FGFR4: variants seen among roughly 807,000 people sequenced by gnomAD.
FGFR4 encodes hydroxyaryl-protein kinase.
FGFR4 carries 63 observed loss-of-function variants against 89.9 expected under a neutral mutation model. That is an observed-to-expected ratio of 0.70 (90% CI 0.57 to 0.86). The LOEUF is 0.86. Among genes scored for constraint, FGFR4 ranks in the 40% least tolerant of loss-of-function variants. The pLI, the probability that FGFR4 is intolerant of heterozygous loss-of-function variation, is 0.00. For synonymous variants in FGFR4, 486 were observed against 479.4 expected (o/e 1.01, Z -0.18); for missense variants, 928 against 1,106.7 (o/e 0.84, Z 2.29).
Position 177,095,253 on chromosome 5 carries a change from T to A in FGFR4, c.1520-77T>A. On this transcript the variant is annotated intron_variant, in intron 11 of 17. Coordinates refer to ENST00000292408, the MANE Select transcript of FGFR4 (RefSeq NM_213647.3). The surrounding 1 kb of genome is among the most constrained non-coding windows in gnomAD (Gnocchi z 5.7). ...CTACGTAGCCCTGGTCCAGTGCTGC[T>A]TGTCCTGCACCTGCCTCTGCATGCT... 8.1e-7 allele frequency: 1 copy of A among 1,227,476 alleles called. No homozygotes were observed. The highest frequency in any genetic ancestry group is 1.2e-6 in the Non-Finnish European group (1 of 830,846). 76.0% of individuals were successfully genotyped at this position (1,227,476 alleles called of 1,614,324 possible).
intron 15 of FGFR4, 87 bp from the exon 16 acceptor site, chr5:177,096,517 T>TG (rs1236618947): frequency 6.5e-7 from 1 of 1,549,282 alleles, no homozygotes; most frequent in Non-Finnish European, 8.8e-7. Flanking sequence ...CCAACAGCTG[T>TG]GGTGGGTCAT....
Position 177,090,730 on chromosome 5 carries a change from C to T in FGFR4, c.356-15C>T, listed in dbSNP as rs777338486. On this transcript the variant is annotated splice_polypyrimidine_tract_variant and intron_variant, in intron 3 of 17. Transcript: ENST00000292408. ...CCTCTTGGACCTTAGATGCTTCCCTCTGTCCCTGATGTAGACTCCTTGACC... is the reference window on the plus strand; with the variant it reads ...CCTCTTGGACCTTAGATGCTTCCCTTTGTCCCTGATGTAGACTCCTTGACC... The T allele has an allele frequency of 6.3e-7, 1 of 1,586,706 alleles. No individual in the cohort carries two copies. Among genetic ancestry groups the T allele is most frequent in the Non-Finnish European group, 8.6e-7 (1 of 1,164,026 alleles).
chr5:177,095,827 C>T lies in FGFR4; in HGVS notation c.1821+104C>T. On this transcript the variant is annotated intron_variant, in intron 13 of 17. Transcript: ENST00000292408. This position sits in a 1 kb window ranked among gnomAD's most constrained non-coding sequence, Gnocchi z 5.7. ...TCTCCCTCTCTGCTCTTTTTCATGA[C>T]CCCACCTCAGTGTCCCCAGGCATTC... 2.3e-6 allele frequency: 3 copies of T among 1,312,958 alleles called. No homozygotes were observed. The highest frequency in any genetic ancestry group is 3.1e-6 in the Non-Finnish European group (3 of 974,150). The allele number at this position is 1,312,958 out of a possible 1,614,324, so 81.3% of individuals were successfully genotyped here.
intron 2 of FGFR4, 69 bp from the exon 3 acceptor site, chr5:177,090,321 T>C (rs1291300812): frequency 1.9e-6 from 3 of 1,597,532 alleles, no homozygotes; most frequent in Non-Finnish European, 2.5e-6. Flanking sequence ...GTGCGGTGTG[T>C]TCTTTGTACA....
rs1490727566 is a variant in FGFR4, at chr5:177,096,326, T to C, written c.1984T>C (p.Phe662Leu). The part of the protein sequence containing the change: ...PVKWMAPEAL[F>L]DRVYTHQSDV... ...GAAGTGGATGGCGCCCGAGGCCTTG[T>C]TTGACCGGGTGTACACACACCAGAG... The change falls in exon 15 of 18, where the codon TTT becomes CTT. Residue 662 changes from phenylalanine to leucine, a missense_variant. By Grantham distance (22) the Phe-to-Leu change is conservative. Transcript: ENST00000292408. 1 of 1,613,940 alleles carries C rather than the reference T, an allele frequency of 6.2e-7. No homozygotes were observed.
chr5:177,091,026 AG>A lies in FGFR4; in HGVS notation c.527del (p.Gly176AlafsTer35). 3 of 1,612,998 alleles carry A rather than the reference AG, an allele frequency of 1.9e-6. No individual in the cohort carries two copies. On this transcript the variant is annotated frameshift_variant, in exon 5 of 18. Coordinates refer to ENST00000292408, the MANE Select transcript of FGFR4 (RefSeq NM_213647.3). LOFTEE classifies it high-confidence loss of function. ...CCGTCAAGTTCCGCTGTCCAGCTGC[AG>A]GCAACCCCACGCCCACCATCCGCTG... The part of the protein sequence containing the change: ...NTVKFRCPAA[G>X]NPTPTIRWLK...
rs758782236 is a variant in FGFR4 at position 177,097,602 on chromosome 5, G to A, written c.2335G>A (p.Asp779Asn). The A allele has an allele frequency of 9.9e-6, 16 of 1,614,068 alleles. No homozygotes were observed. The highest frequency in any genetic ancestry group is 3.3e-5 in the Admixed American group (2 of 60,006). ...CGCCAGCAGCACCTGCTCCTCCAGC[G>A]ATTCTGTCTTCAGCCACGACCCCCT... ...GDASSTCSSS[D>N]SVFSHDPLPL... The change falls in exon 18 of 18, where the codon GAT (aspartate) becomes AAT (asparagine). Residue 779 changes from aspartate to asparagine, a missense_variant. Asp to Asn is a conservative substitution (Grantham distance 23). Around this residue, in one of 5 missense-constraint regions of FGFR4, gnomAD observed 129 missense variants for 150.8 expected, o/e 0.86. Coordinates refer to ENST00000292408, the MANE Select transcript of FGFR4 (RefSeq NM_213647.3).
chr5:177,090,132 A>ATG, intron 2 of FGFR4: 1 of 538,734 alleles, frequency 1.9e-6, no homozygotes, highest in South Asian at 1.6e-5. Context: ...GTGTGTGTGT[A>ATG]TGCGTGTGTG....
chr5:177,091,843 C>G (rs936422245), intron 6 of FGFR4, 35 bp downstream of exon 6: 39 of 1,611,058 alleles, frequency 2.4e-5, no homozygotes, highest in Middle Eastern at 1.7e-4. Context: ...GAGGCCTGAC[C>G]CATTTTGGGC....
intron 2 of FGFR4, chr5:177,090,180 A>C (rs1401276740): frequency 5.6e-6 from 4 of 716,816 alleles, no homozygotes; most frequent in Non-Finnish European, 7.5e-6. Context: ...TGTGCACTAA[A>C]TGCTGTGTGT....
chr5:177,097,938 A>T lies in FGFR4; in HGVS notation c.*262A>T. 2.5e-6 allele frequency: 1 copy of T among 402,966 alleles called. No homozygotes were observed. The highest frequency in any genetic ancestry group is 4.4e-6 in the Non-Finnish European group (1 of 225,260). The allele number at this position is 402,966 out of a possible 1,614,324, so 25.0% of individuals were successfully genotyped here. The stretch of plus-strand genomic sequence containing the variant: ...GGCTGAGCCTGGCTGGAGAGCTGCT[A>T]TGCTAAACCTCCTGCCTCCCAATAC... On this transcript the variant is annotated 3_prime_UTR_variant, in exon 18 of 18. Transcript: ENST00000292408.
In FGFR4 at chr5:177,090,736, C is replaced by G. The variant is rs2149731265; in HGVS notation, c.356-9C>G. ...GGACCTTAGATGCTTCCCTCTGTCC[C>G]TGATGTAGACTCCTTGACCTCCAGC... On this transcript the variant is annotated splice_polypyrimidine_tract_variant and intron_variant, in intron 3 of 17. Coordinates refer to ENST00000292408, the MANE Select transcript of FGFR4 (RefSeq NM_213647.3). 6 of 1,594,514 alleles carry G rather than the reference C, an allele frequency of 3.8e-6. No individual in the cohort carries two copies. The highest frequency in any genetic ancestry group is 5.1e-6 in the Non-Finnish European group (6 of 1,168,336).
chr5:177,093,882 C>A lies in FGFR4; in HGVS notation c.1519+107C>A. The stretch of plus-strand genomic sequence containing the variant: ...AGGAATTCGAGGCCAGCCTGGGCAA[C>A]ATGGCAAGACTTCATCTCTACAAAA... On this transcript the variant is annotated intron_variant, in intron 11 of 17. Coordinates refer to ENST00000292408, the MANE Select transcript of FGFR4 (RefSeq NM_213647.3). This position sits in a 1 kb window ranked among gnomAD's most constrained non-coding sequence, Gnocchi z 5.8. 7.9e-7 allele frequency: 1 copy of A among 1,258,498 alleles called. No homozygotes were observed. Among genetic ancestry groups the A allele is most frequent in the Non-Finnish European group, 1.1e-6 (1 of 919,220 alleles). The allele number at this position is 1,258,498 out of a possible 1,614,324, so 78.0% of individuals were successfully genotyped here.
rs550870047 is a variant in FGFR4 at position 177,092,389 on chromosome 5, G to A, written c.796G>A (p.Asp266Asn). The A allele has an allele frequency of 2.4e-5, 39 of 1,607,940 alleles. No homozygotes were observed. Among genetic ancestry groups the A allele is most frequent in the Middle Eastern group, 1.7e-4 (1 of 6,036 alleles). ...CAACACCACAGCCGTGGTGGGCAGC[G>A]ACGTGGAGCTGCTGTGCAAGGTGTA... ...PANTTAVVGS[D>N]VELLCKVYSD... is the part of the protein sequence containing the mutation. Residue 266 changes from aspartate to asparagine, a missense_variant, in exon 7 of 18, where the codon GAC becomes AAC. Transcript: ENST00000292408.
rs1387241793 is a variant in FGFR4, at chr5:177,093,362, A to G, written c.1251+31A>G. The G allele has an allele frequency of 4.3e-6, 7 of 1,611,182 alleles. No homozygotes were observed. Among genetic ancestry groups the G allele is most frequent in the Non-Finnish European group, 5.9e-6 (7 of 1,178,516 alleles). On this transcript the variant is annotated intron_variant, in intron 9 of 17. Coordinates refer to ENST00000292408, the MANE Select transcript of FGFR4 (RefSeq NM_213647.3). This position sits in a 1 kb window ranked among gnomAD's most constrained non-coding sequence, Gnocchi z 5.8. ...GGGCGCATCCCCCACCTCACATGTG[A>G]CAGCCTGACTCCAGCAGGCAGAACC...
At position 177,095,023 on chromosome 5, in the gene FGFR4, C is replaced by T. The variant is rs1784499158; in HGVS notation, c.1520-307C>T. On this transcript the variant is annotated intron_variant, in intron 11 of 17. Transcript: ENST00000292408. This position sits in a 1 kb window ranked among gnomAD's most constrained non-coding sequence, Gnocchi z 5.7. ...CAGCTTCCTTCCTTCCTTCCTGCTC[C>T]GAGCTCTTCCCCTCTCTCCTGTGTC... is the stretch of plus-strand genomic sequence containing the variant. 8.5e-6 allele frequency: 3 copies of T among 354,628 alleles called. No homozygotes were observed. The highest frequency in any genetic ancestry group is 5.5e-5 in the East Asian group (1 of 18,194). The allele number at this position is 354,628 out of a possible 1,614,324, so 22.0% of individuals were successfully genotyped here. A position where few individuals can be genotyped will look rare whatever the true frequency, so the allele number is the denominator to read the frequency against.
In FGFR4 at chr5:177,093,580, G is replaced by A. The variant is rs376447133; in HGVS notation, c.1397+29G>A. The A allele has an allele frequency of 2.2e-5, 36 of 1,612,314 alleles. No homozygotes were observed. Among genetic ancestry groups the A allele is most frequent in the African/African-American group, 6.7e-5 (5 of 75,018 alleles). Reference sequence around the variant, plus strand: ...CGCTGAGCTGTGTGGGGGCAGGGACGCGGGCGCCGGGTTGCAGCCCGCCCT... The same window carrying A: ...CGCTGAGCTGTGTGGGGGCAGGGACACGGGCGCCGGGTTGCAGCCCGCCCT... On this transcript the variant is annotated intron_variant, in intron 10 of 17. Transcript: ENST00000292408. The surrounding 1 kb of genome is among the most constrained non-coding windows in gnomAD (Gnocchi z 5.8).
chr5:177,089,249 G>A (rs1298934173), intron 1 of FGFR4, among the ~76,000 whole-genome samples: 3 of 152,160 alleles, frequency 2.0e-5, no homozygotes, highest in Admixed American at 6.5e-5. Context: ...ATATGTCTCC[G>A]TTCTCTGCTT....
intron 1 of FGFR4, among the ~76,000 whole-genome samples, chr5:177,089,062 G>A (rs988621137): frequency 6.6e-6 from 1 of 152,186 alleles, no homozygotes. Flanking sequence ...CTTGTCAGTT[G>A]TGACCACCCA....
Sources: allele counts gnomAD v4.1 joint callset (sites outside exome capture counted in the v4.1 genomes callset), GRCh38; gene constraint gnomAD v4.1.1; regional missense constraint gnomAD v4.1.1; non-coding constraint Gnocchi (gnomAD v3.1); transcripts MANE v1.5; gene names NCBI Gene and HGNC (gene_info 2026-07-23, HGNC 2026-07-21).